The following TRDN variants were observed in gnomAD, a reference collection of about 807,000 sequenced individuals.
The protein encoded by TRDN is triadin in skeletal muscle.
In TRDN, 161 loss-of-function variants were observed where a neutral mutation model predicts 149.7. The observed-to-expected ratio is 1.08, with a 90% confidence interval of 0.95 to 1.23. TRDN has a LOEUF of 1.23. Ranked by LOEUF, TRDN falls within the 50% of genes most tolerant of loss-of-function variation. The pLI, the probability that TRDN is intolerant of heterozygous loss-of-function variation, is 0.00. For synonymous variants in TRDN, 294 were observed against 250.5 expected (o/e 1.17, Z -1.64); for missense variants, 896 against 823.5 (o/e 1.09, Z -1.08).
intron 5 of TRDN, among the ~76,000 whole-genome samples, chr6:123,518,392 A>G (rs1779513169): frequency 6.6e-6 from 1 of 152,112 alleles, no homozygotes; most frequent in Non-Finnish European, 1.5e-5. Context: ...GCAAAAACAA[A>G]GCGTCTTTTA....
chr6:123,423,867 C>T lies in TRDN; in HGVS notation c.1051+14196G>A, dbSNP rs114433756. On this transcript the variant is annotated intron_variant, in intron 12 of 40. Transcript: ENST00000334268. ...CAAATTACCATCTATAAAAATAAATCATCTTCCTTTTTTCCTTTTTACTTA... is the reference window on the plus strand; with the variant it reads ...CAAATTACCATCTATAAAAATAAATTATCTTCCTTTTTTCCTTTTTACTTA... Among the ~76,000 whole-genome samples the T allele has an allele frequency of 1.6e-3, 242 of 152,188 alleles. 2 individuals are homozygous for T. The highest frequency in any genetic ancestry group is 5.7e-3 in the African/African-American group (237 of 41,524).
intron 20 of TRDN, among the ~76,000 whole-genome samples, chr6:123,356,364 A>G (rs1227886409): frequency 4.6e-5 from 7 of 151,212 alleles, no homozygotes; most frequent in African/African-American, 1.7e-4. Flanking sequence ...TAATTACATC[A>G]ATTTGTATGT....
chr6:123,614,177 T>A (rs1403112317), intron 1 of TRDN, among the ~76,000 whole-genome samples: 1 of 151,550 alleles, frequency 6.6e-6, no homozygotes, highest in East Asian at 2.0e-4. Flanking sequence ...GTGATTCATA[T>A]ACATGTTAAG....
At chr6:123,422,123 G>C (rs1028670709) in intron 12 of TRDN, among the ~76,000 whole-genome samples, 9 of 151,932 alleles carry the variant, frequency 5.9e-5, no homozygotes, top group African/African-American at 1.9e-4. Context: ...AAAACATTTG[G>C]GAGGATGTGC....
chr6:123,616,807 C>T (rs1785111689), intron 1 of TRDN, among the ~76,000 whole-genome samples: 1 of 152,100 alleles, frequency 6.6e-6, no homozygotes, highest in African/African-American at 2.4e-5. Context: ...AGTTAATCAC[C>T]TTGTCATATC....
intron 7 of TRDN, among the ~76,000 whole-genome samples, chr6:123,504,425 G>A (rs574937875): frequency 3.5e-4 from 53 of 152,150 alleles, no homozygotes; most frequent in African/African-American, 1.2e-3. Flanking sequence ...TAAAATTATC[G>A]CATTGGTGTT....
At chr6:123,614,874 G>T (rs1312370164) in intron 1 of TRDN, among the ~76,000 whole-genome samples, 2 of 152,054 alleles carry the variant, frequency 1.3e-5, no homozygotes, top group African/African-American at 4.8e-5. Context: ...CAACAGAAAA[G>T]AATAAAAGAT....
chr6:123,575,954 A>T lies in TRDN; in HGVS notation c.23-4822T>A, dbSNP rs559169766. Among the ~76,000 whole-genome samples the T allele has an allele frequency of 3.3e-5, 5 of 152,232 alleles. No homozygotes were observed. The East Asian group carries it at 9.7e-4, about 29-fold the overall frequency. ...CATTCTAGAATGGTATAAATGAAAC[A>T]TTGCATTCTCATTACATAAAAGCAT... On this transcript the variant is annotated intron_variant, in intron 1 of 40. Transcript: ENST00000334268.
chr6:123,564,932 A>G (rs1782202355), intron 2 of TRDN, among the ~76,000 whole-genome samples: 2 of 152,210 alleles, frequency 1.3e-5, no homozygotes, highest in African/African-American at 4.8e-5. Flanking sequence ...GAGGATGCTA[A>G]TGAATGATGA....
At chr6:123,588,691 T>A (rs918929526) in intron 1 of TRDN, among the ~76,000 whole-genome samples, 2 of 152,124 alleles carry the variant, frequency 1.3e-5, no homozygotes, top group East Asian at 3.9e-4. Flanking sequence ...TCTAAACTAA[T>A]TACCTCTTGA....
intron 16 of TRDN, among the ~76,000 whole-genome samples, chr6:123,379,473 T>C (rs1781632554): frequency 6.6e-6 from 1 of 152,238 alleles, no homozygotes; most frequent in Admixed American, 6.5e-5. Flanking sequence ...GTTTAATTTA[T>C]TGCTTAACTG....
intron 8 of TRDN, among the ~76,000 whole-genome samples, chr6:123,500,308 G>C (rs895256016): frequency 6.6e-6 from 1 of 152,004 alleles, no homozygotes; most frequent in African/African-American, 2.4e-5. Context: ...TTTAAGTTAG[G>C]ATGCCCATTT....
At chr6:123,600,414 T>C (rs944003705) in intron 1 of TRDN, among the ~76,000 whole-genome samples, 2 of 151,822 alleles carry the variant, frequency 1.3e-5, no homozygotes, top group African/African-American at 4.8e-5. Context: ...AATGCCCTCC[T>C]CAGAATGGAA....
At chr6:123,510,001 T>A (rs993169947) in intron 7 of TRDN, 4 of 152,144 alleles carry the variant, frequency 2.6e-5, no homozygotes, top group Non-Finnish European at 4.4e-5. Context: ...TTAATTTAGA[T>A]GATCTTTAAA....
At chr6:123,223,711 T>TCCTTC (rs1465183034) in intron 39 of TRDN, among the ~76,000 whole-genome samples, 1 of 149,706 alleles carries the variant, frequency 6.7e-6, no homozygotes. Context: ...CTTCCTTCCT[T>TCCTTC]CCTTCCTTCC....
intron 1 of TRDN, among the ~76,000 whole-genome samples, chr6:123,620,541 G>C (rs1024208343): frequency 6.6e-6 from 1 of 151,182 alleles, no homozygotes; most frequent in East Asian, 1.9e-4. Flanking sequence ...TTTACAAATA[G>C]AATTTTTTTT....
intron 21 of TRDN, among the ~76,000 whole-genome samples, chr6:123,339,009 G>GTT (rs948284222): frequency 6.6e-6 from 1 of 151,016 alleles, no homozygotes; most frequent in African/African-American, 2.4e-5. Flanking sequence ...TGTATTAGGG[G>GTT]TTTTTTTTTG....
At position 123,273,043 on chromosome 6, in the gene TRDN, G is replaced by A. The variant is rs563624382; in HGVS notation, c.1625-32C>T. On this transcript the variant is annotated intron_variant, in intron 28 of 40. Coordinates refer to ENST00000334268, the MANE Select transcript of TRDN (RefSeq NM_006073.4). The stretch of plus-strand genomic sequence containing the variant: ...ATAATAAAAAGAAAATCTTTTTTAG[G>A]TATTTAGAAGCTGGGAAAATAGCTA... 5.8e-5 allele frequency: 82 copies of A among 1,404,960 alleles called. No individual in the cohort carries two copies. In the African/African-American group the frequency reaches 1.1e-3, roughly 19 times the overall value. The allele number at this position is 1,404,960 out of a possible 1,614,324, so 87.0% of individuals were successfully genotyped here. A position where few individuals can be genotyped will look rare whatever the true frequency, so the allele number is the denominator to read the frequency against.
At chr6:123,321,361 C>T (rs879509254) in intron 23 of TRDN, among the ~76,000 whole-genome samples, 22 of 151,968 alleles carry the variant, frequency 1.4e-4, no homozygotes, top group Admixed American at 5.2e-4. Context: ...AAATACAATA[C>T]GTATTTTAAA....
Sources: gnomAD v4.1 joint callset for allele counts (sites outside exome capture counted in the v4.1 genomes callset) on GRCh38, gnomAD v4.1.1 for gene constraint, MANE v1.5 for transcripts, NCBI Gene and HGNC (gene_info 2026-07-23, HGNC 2026-07-21) for gene names.